CREB1: variants seen among roughly 807,000 people sequenced by gnomAD.
The protein encoded by CREB1 is cAMP responsive element binding protein 1.
A neutral mutation model predicts 42.0 loss-of-function variants in CREB1; 2 were observed. The observed-to-expected ratio is 0.05, with a 90% CI of 0.02 to 0.15. CREB1 has a LOEUF of 0.15. CREB1 is among the 10% of genes least tolerant of loss of function. The pLI is 1.00. For missense variants in CREB1, 199 were observed against 388.9 expected (o/e 0.51, Z 4.11); for synonymous variants, 123 against 139.9 (o/e 0.88, Z 0.85).
intron 3 of CREB1, chr2:207,561,061 A>AG: frequency 6.7e-7 from 1 of 1,487,666 alleles, no homozygotes. Flanking sequence ...AAAGACTTGA[A>AG]CGTTCATTCA....
At chr2:207,575,991 A>G (rs1190176539) in intron 6 of CREB1, among the ~76,000 whole-genome samples, 1 of 104,556 alleles carries the variant, frequency 9.6e-6, no homozygotes, top group Non-Finnish European at 1.8e-5. Flanking sequence ...TTTTATTATT[A>G]TTATTATTAT....
In CREB1 at chr2:207,602,263, G is replaced by C. The variant is rs1304876962; in HGVS notation, c.*5205G>C. ...ATTTAAAAAATATATAAATAAAATA[G>C]AACAAAGCCGGTGATGCAAGTTGAT... On this transcript the variant is annotated 3_prime_UTR_variant, in exon 8 of 8. Transcript: ENST00000353267. 2 of 187,728 alleles carry C rather than the reference G, an allele frequency of 1.1e-5. No individual in the cohort carries two copies. Among genetic ancestry groups the C allele is most frequent in the Non-Finnish European group, 2.2e-5 (2 of 89,124 alleles). The allele number at this position is 187,728 out of a possible 1,614,324, so 11.6% of individuals were successfully genotyped here.
chr2:207,592,357 G>C (rs1322235876), intron 7 of CREB1, among the ~76,000 whole-genome samples: 3 of 152,034 alleles, frequency 2.0e-5, no homozygotes, highest in African/African-American at 7.3e-5. Flanking sequence ...CAGTAGCCCA[G>C]ATCACGCCAC....
chr2:207,548,278 T>C (rs2081372377), intron 1 of CREB1, among the ~76,000 whole-genome samples: 1 of 152,152 alleles, frequency 6.6e-6, no homozygotes, highest in African/African-American at 2.4e-5. Flanking sequence ...AAGAACAATA[T>C]CTTTGTCATA....
chr2:207,539,466 G>C (rs2081009511), intron 1 of CREB1, among the ~76,000 whole-genome samples: 1 of 152,066 alleles, frequency 6.6e-6, no homozygotes, highest in Admixed American at 6.5e-5. Context: ...CATTTATTCA[G>C]TGAAGATTTA....
intron 1 of CREB1, 85 bp downstream of exon 1, chr2:207,530,219 T>TGGGGCCTTCCCCTCGCAGGA (rs2080532022): frequency 1.3e-5 from 2 of 152,406 alleles, no homozygotes; most frequent in African/African-American, 4.8e-5. Context: ...CACCCGCGCT[T>TGGGGCCTTCCCCTCGCAGGA]GGGGCCTTCC....
intron 7 of CREB1, chr2:207,577,858 T>C: frequency 1.7e-6 from 1 of 573,972 alleles, no homozygotes; most frequent in South Asian, 2.0e-5. Flanking sequence ...CAATCTTTGA[T>C]CGTGGAGTAG....
intron 5 of CREB1, among the ~76,000 whole-genome samples, chr2:207,573,812 ATTTC>A (rs2082467360): frequency 6.6e-6 from 1 of 152,192 alleles, no homozygotes; most frequent in African/African-American, 2.4e-5. Flanking sequence ...ATGGTTTACT[ATTTC>A]TTTCTTCTTC....
At position 207,542,978 on chromosome 2, in the gene CREB1, T is replaced by C. The variant is rs562154588; in HGVS notation, c.-8-12650T>C. On this transcript the variant is annotated intron_variant, in intron 1 of 7. Coordinates refer to ENST00000353267, the MANE Select transcript of CREB1 (RefSeq NM_004379.5). ...TTTTAATTTGAAGCACAGTTGTCCCTTGGTATCGATGGGGAATTGGTTCCA... is the reference window on the plus strand; with the variant it reads ...TTTTAATTTGAAGCACAGTTGTCCCCTGGTATCGATGGGGAATTGGTTCCA... 1.8e-3 allele frequency among the ~76,000 whole-genome samples: 278 copies of C among 152,310 alleles called. 1 individual carries two copies. Among genetic ancestry groups the C allele is most frequent in the African/African-American group, 6.5e-3 (269 of 41,552 alleles).
Position 207,599,855 on chromosome 2 carries a change from G to A in CREB1, c.*2797G>A, listed in dbSNP as rs1265717803. On this transcript the variant is annotated 3_prime_UTR_variant, in exon 8 of 8. Coordinates refer to ENST00000353267, the MANE Select transcript of CREB1 (RefSeq NM_004379.5). ...TTTTTCTCTTTATATTGGCCAAAAG[G>A]GAATAAAAATGTCATCATAGGAATT... The A allele has an allele frequency of 5.2e-6, 1 of 194,154 alleles. No individual in the cohort carries two copies. The highest frequency in any genetic ancestry group is 1.1e-5 in the Non-Finnish European group (1 of 93,380). The allele number at this position is 194,154 out of a possible 1,614,324, so 12.0% of individuals were successfully genotyped here.
At chr2:207,591,533 A>G (rs983307376) in intron 7 of CREB1, among the ~76,000 whole-genome samples, 6 of 152,182 alleles carry the variant, frequency 3.9e-5, no homozygotes, top group African/African-American at 1.4e-4. Flanking sequence ...CCCTGATTCA[A>G]GTGATTCTCG....
rs1254131951 is a variant in CREB1 at position 207,600,969 on chromosome 2, A to G, written c.*3911A>G. The G allele has an allele frequency of 6.3e-6, 1 of 157,926 alleles. No homozygotes were observed. Among genetic ancestry groups the G allele is most frequent in the Admixed American group, 9.0e-5 (1 of 11,152 alleles). The allele number at this position is 157,926 out of a possible 1,614,324, so 9.8% of individuals were successfully genotyped here. On this transcript the variant is annotated 3_prime_UTR_variant, in exon 8 of 8. Transcript: ENST00000353267. ...TTTAATTCTATGATCAGCCACAGTC[A>G]GCTATTACCATAAATTGGTCTCTGT...
In CREB1 at chr2:207,598,312, GTAGT is replaced by G. The variant is rs1332375835; in HGVS notation, c.*1257_*1260del. 1 of 183,622 alleles carries G rather than the reference GTAGT, an allele frequency of 5.4e-6. No individual in the cohort carries two copies. The highest frequency in any genetic ancestry group is 2.3e-5 in the African/African-American group (1 of 42,580). The allele number at this position is 183,622 out of a possible 1,614,324, so 11.4% of individuals were successfully genotyped here. A position where few individuals can be genotyped will look rare whatever the true frequency, so the allele number is the denominator to read the frequency against. ...ATTTTTTTGTTCTCTTGTAAAAAGA[GTAGT>G]TATTAGTTCTGCTTTAGCTTTCCAA... is the stretch of plus-strand genomic sequence containing the variant. On this transcript the variant is annotated 3_prime_UTR_variant, in exon 8 of 8. Transcript: ENST00000353267.
chr2:207,577,803 T>C, intron 7 of CREB1, 148 bp downstream of exon 7: 1 of 915,882 alleles, frequency 1.1e-6, no homozygotes, highest in Non-Finnish European at 1.7e-6. Context: ...TAAATTTTCT[T>C]TATTTAATAA....
chr2:207,552,669 G>A lies in CREB1; in HGVS notation c.-8-2959G>A, dbSNP rs184857324. Among the ~76,000 whole-genome samples the A allele has an allele frequency of 2.0e-3, 297 of 149,636 alleles. 1 individual carries two copies. Among genetic ancestry groups the A allele is most frequent in the Admixed American group, 0.011 (165 of 14,960 alleles). On this transcript the variant is annotated intron_variant, in intron 1 of 7. Coordinates refer to ENST00000353267, the MANE Select transcript of CREB1 (RefSeq NM_004379.5). The stretch of plus-strand genomic sequence containing the variant: ...CACCCAGGCTGCAGTGCAGTGGCGC[G>A]ATCTCGGCTTACTACAACCTCCGCC...
chr2:207,589,773 T>C (rs763569591), intron 7 of CREB1, among the ~76,000 whole-genome samples: 63 of 152,222 alleles, frequency 4.1e-4, no homozygotes, highest in Admixed American at 1.2e-3. Context: ...TACTCCAATT[T>C]TGAGATATGC....
intron 1 of CREB1, among the ~76,000 whole-genome samples, chr2:207,543,239 C>G (rs1451740815): frequency 4.6e-5 from 7 of 152,086 alleles, no homozygotes; most frequent in Admixed American, 4.6e-4. Flanking sequence ...CCCCAAATAT[C>G]TTTGATCTGC....
intron 1 of CREB1, among the ~76,000 whole-genome samples, chr2:207,543,948 C>G (rs1411674680): frequency 1.3e-5 from 2 of 151,340 alleles, no homozygotes; most frequent in African/African-American, 4.9e-5. Flanking sequence ...GAGACGAGGT[C>G]TCGCTGTGTT....
chr2:207,542,749 A>G (rs1196318942), intron 1 of CREB1, among the ~76,000 whole-genome samples: 1 of 152,138 alleles, frequency 6.6e-6, no homozygotes, highest in Non-Finnish European at 1.5e-5. Context: ...ATAAACATTT[A>G]AAAAATATCT....
Sources: allele counts gnomAD v4.1 joint callset (sites outside exome capture counted in the v4.1 genomes callset), GRCh38; gene constraint gnomAD v4.1.1; transcripts MANE v1.5; gene names NCBI Gene and HGNC (gene_info 2026-07-23, HGNC 2026-07-21).